RYR2: variants seen among roughly 807,000 people sequenced by gnomAD.
RYR2 encodes the protein cardiac muscle ryanodine receptor-calcium release channel.
A neutral mutation model predicts 601.1 loss-of-function variants in RYR2; 227 were observed. That is an observed-to-expected ratio of 0.38 (90% confidence interval 0.34 to 0.42). RYR2 has a LOEUF of 0.42. RYR2 is among the 10% of genes least tolerant of loss of function. RYR2 has a pLI of 1.00. For missense variants in RYR2, 4,646 were observed against 6,156.5 expected, an observed-to-expected ratio of 0.75 and a Z score of 8.21; for synonymous variants, 2,223 against 2,175.1, an observed-to-expected ratio of 1.02 and a Z score of -0.61.
intron 10 of RYR2, among the ~76,000 whole-genome samples, chr1:237,393,320 G>C (rs1322724951): frequency 6.6e-6 from 1 of 152,180 alleles, no homozygotes; most frequent in Non-Finnish European, 1.5e-5. Flanking sequence ...TATGCCATGT[G>C]TATGCATGAC....
intron 17 of RYR2, among the ~76,000 whole-genome samples, chr1:237,472,673 T>G (rs1379768468): frequency 8.4e-6 from 1 of 119,080 alleles, no homozygotes; most frequent in Non-Finnish European, 1.9e-5. Context: ...TGTGATAGGA[T>G]ATATTTTTGT....
chr1:237,791,402 C>T (rs765706352), intron 92 of RYR2, 27 bp from the exon 93 acceptor site: 1 of 1,226,040 alleles, frequency 8.2e-7, no homozygotes, highest in Non-Finnish European at 1.2e-6. Flanking sequence ...GATTCAGTGA[C>T]CTTTTCATAA....
intron 1 of RYR2, among the ~76,000 whole-genome samples, chr1:237,122,857 A>T (rs1189638217): frequency 4.0e-5 from 6 of 151,834 alleles, no homozygotes; most frequent in African/African-American, 1.5e-4. Flanking sequence ...TTTTCAAATA[A>T]TTTCCTTGAA....
In RYR2 at chr1:237,106,006, T is replaced by C. The variant is rs1375968586; in HGVS notation, c.48+63437T>C. 1.3e-5 allele frequency among the ~76,000 whole-genome samples: 2 copies of C among 151,918 alleles called. No homozygotes were observed. Among genetic ancestry groups the C allele is most frequent in the African/African-American group, 2.4e-5 (1 of 41,366 alleles). ...CCAACGTGGGAGTGTGCCTGGAGACTCTAAGGAACAGAGTGTGCAGCAGGA... is the reference window on the plus strand; with the variant it reads ...CCAACGTGGGAGTGTGCCTGGAGACCCTAAGGAACAGAGTGTGCAGCAGGA... On this transcript the variant is annotated intron_variant, in intron 1 of 104. Coordinates refer to ENST00000366574, the MANE Select transcript of RYR2 (RefSeq NM_001035.3). The surrounding 1 kb of genome is among the most constrained non-coding windows in gnomAD (Gnocchi z 4.4).
intron 12 of RYR2, among the ~76,000 whole-genome samples, chr1:237,441,082 A>G (rs1439758835): frequency 6.6e-6 from 1 of 152,164 alleles, no homozygotes; most frequent in African/African-American, 2.4e-5. Context: ...GTTGGCCATT[A>G]TGCAACATAA....
At chr1:237,425,072 T>C (rs1706008200) in intron 12 of RYR2, among the ~76,000 whole-genome samples, 1 of 152,210 alleles carries the variant, frequency 6.6e-6, no homozygotes, top group Non-Finnish European at 1.5e-5. Context: ...TGTAACAAAA[T>C]TAAAAGTAGT....
chr1:237,635,041 C>T lies in RYR2; in HGVS notation c.6792+49C>T, dbSNP rs759108302. 123 of 1,311,566 alleles carry T rather than the reference C, an allele frequency of 9.4e-5. 2 individuals are homozygous for T. Among genetic ancestry groups the T allele is most frequent in the South Asian group, 3.5e-4 (20 of 57,090 alleles). The allele number at this position is 1,311,566 out of a possible 1,614,324, so 81.2% of individuals were successfully genotyped here. ...TGTTTGTCTGAATTATGCTTTTTCA[C>T]GGTTTTCTCAATATTTTAAATATAA... On this transcript the variant is annotated intron_variant, in intron 44 of 104. Transcript: ENST00000366574.
intron 2 of RYR2, among the ~76,000 whole-genome samples, chr1:237,281,606 C>A (rs753775714): frequency 1.3e-5 from 2 of 152,204 alleles, no homozygotes; most frequent in Non-Finnish European, 2.9e-5. Context: ...TTACAAAGTG[C>A]GTAGCCAGTT....
chr1:237,279,310 T>A (rs1690612988), intron 2 of RYR2, among the ~76,000 whole-genome samples: 2 of 152,194 alleles, frequency 1.3e-5, no homozygotes, highest in South Asian at 4.1e-4. Flanking sequence ...TTAACACAAA[T>A]CATTTTATAA....
At chr1:237,234,326 C>A (rs910493146) in intron 1 of RYR2, among the ~76,000 whole-genome samples, 1 of 152,126 alleles carries the variant, frequency 6.6e-6, no homozygotes, top group Non-Finnish European at 1.5e-5. Flanking sequence ...CTATCATCCC[C>A]CACTACTCCT....
intron 80 of RYR2, among the ~76,000 whole-genome samples, chr1:237,746,688 T>C (rs1692108154): frequency 6.6e-6 from 1 of 152,148 alleles, no homozygotes; most frequent in Admixed American, 6.5e-5. Flanking sequence ...TAGTTAATTA[T>C]TTTTTAGGTT....
intron 1 of RYR2, among the ~76,000 whole-genome samples, chr1:237,168,061 T>C (rs1387743956): frequency 6.6e-6 from 1 of 152,188 alleles, no homozygotes; most frequent in Non-Finnish European, 1.5e-5. Flanking sequence ...AACGGATTCA[T>C]TGAGATACTG....
chr1:237,730,120 C>G (rs916314621), intron 76 of RYR2, 140 bp from the exon 77 acceptor site: 4 of 581,000 alleles, frequency 6.9e-6, no homozygotes, highest in African/African-American at 1.9e-5. Flanking sequence ...CATTGTCTTT[C>G]AGGAGGAGAG....
intron 16 of RYR2, among the ~76,000 whole-genome samples, chr1:237,462,825 G>T (rs1296450245): frequency 1.3e-5 from 2 of 152,122 alleles, no homozygotes; most frequent in Admixed American, 6.6e-5. Flanking sequence ...TCTAGTGTTT[G>T]TGCATCTAGA....
At chr1:237,321,560 G>C (rs574429800) in intron 2 of RYR2, among the ~76,000 whole-genome samples, 1 of 152,300 alleles carries the variant, frequency 6.6e-6, no homozygotes, top group Non-Finnish European at 1.5e-5. Context: ...TAACAGACCA[G>C]TACACAGAAA....
intron 1 of RYR2, among the ~76,000 whole-genome samples, chr1:237,144,283 A>T (rs945753343): frequency 6.6e-6 from 1 of 152,340 alleles, no homozygotes; most frequent in East Asian, 1.9e-4. Context: ...CTTAAGAAAG[A>T]GGACTCGACA....
intron 24 of RYR2, among the ~76,000 whole-genome samples, chr1:237,523,502 A>G (rs1224044520): frequency 1.3e-5 from 2 of 152,128 alleles, no homozygotes; most frequent in Non-Finnish European, 2.9e-5. Context: ...TGGGAGGCTG[A>G]GTTGGGTGGC....
rs1392640136 is a variant in RYR2, at chr1:237,832,744, A to T, written c.*97A>T. 1 of 654,032 alleles carries T rather than the reference A, an allele frequency of 1.5e-6. No homozygotes were observed. The allele number at this position is 654,032 out of a possible 1,614,324, so 40.5% of individuals were successfully genotyped here. A position where few individuals can be genotyped will look rare whatever the true frequency, so the allele number is the denominator to read the frequency against. ...TTGGAAACATTTTGCTGATTTTGTGAATTGCCAGCGTTGTGTGTTTTCTGG... is the reference window on the plus strand; with the variant it reads ...TTGGAAACATTTTGCTGATTTTGTGTATTGCCAGCGTTGTGTGTTTTCTGG... On this transcript the variant is annotated 3_prime_UTR_variant, in exon 105 of 105. Coordinates refer to ENST00000366574, the MANE Select transcript of RYR2 (RefSeq NM_001035.3).
intron 12 of RYR2, among the ~76,000 whole-genome samples, chr1:237,429,523 CCA>C (rs996964823): frequency 6.6e-6 from 1 of 152,114 alleles, no homozygotes; most frequent in Admixed American, 6.5e-5. Context: ...CCCCACCCCT[CCA>C]CAGACTGCTG....
Sources: gnomAD v4.1 joint callset for allele counts (sites outside exome capture counted in the v4.1 genomes callset) on GRCh38, gnomAD v4.1.1 for gene constraint, Gnocchi (gnomAD v3.1) non-coding constraint, MANE v1.5 for transcripts, NCBI Gene and HGNC (gene_info 2026-07-23, HGNC 2026-07-21) for gene names.